The following ADAM12 variants were observed in gnomAD, a reference collection of about 807,000 sequenced individuals.
ADAM12 encodes the protein disintegrin and metalloproteinase domain-containing protein 12.
Under a neutral mutation model 106.4 loss-of-function variants are expected in ADAM12, and 70 were observed. That is an observed-to-expected ratio of 0.66 (90% CI 0.54 to 0.80). ADAM12 has a LOEUF of 0.80. Among genes scored for constraint, ADAM12 ranks in the 30% least tolerant of loss-of-function variants. The pLI is 0.00. For synonymous variants in ADAM12, 420 were observed against 433.5 expected, an observed-to-expected ratio of 0.97 and a Z score of 0.39; for missense variants, 1,010 against 1,171.9, an observed-to-expected ratio of 0.86 and a Z score of 2.02.
At chr10:126,326,350 A>C (rs2133843993) in intron 2 of ADAM12, among the ~76,000 whole-genome samples, 1 of 152,330 alleles carries the variant, frequency 6.6e-6, no homozygotes, top group Non-Finnish European at 1.5e-5. Context: ...ATACATAGTA[A>C]GTCAATGACG....
chr10:126,345,986 A>T (rs1855123826), intron 1 of ADAM12, among the ~76,000 whole-genome samples: 1 of 152,048 alleles, frequency 6.6e-6, no homozygotes, highest in Non-Finnish European at 1.5e-5. Context: ...GGATTCATTG[A>T]TTTTTTGAAG....
intron 3 of ADAM12, among the ~76,000 whole-genome samples, chr10:126,195,977 G>A (rs1035861033): frequency 1.4e-4 from 21 of 152,186 alleles, no homozygotes; most frequent in Middle Eastern, 3.2e-3. Context: ...AGGGGTTAGC[G>A]GATGGCCTCC....
chr10:126,129,876 C>T (rs186852813), intron 5 of ADAM12, among the ~76,000 whole-genome samples: 98 of 152,270 alleles, frequency 6.4e-4, no homozygotes, highest in South Asian at 1.0e-3. Context: ...CTGTTTTTGT[C>T]TCCGTGTGCT....
intron 2 of ADAM12, among the ~76,000 whole-genome samples, chr10:126,289,577 C>T (rs968592088): frequency 2.0e-5 from 3 of 152,226 alleles, no homozygotes; most frequent in Non-Finnish European, 2.9e-5. Flanking sequence ...CATCCTCGGA[C>T]CACCCCAGGT....
Position 126,064,756 on chromosome 10 carries a change from C to CCAGAGCCA in ADAM12, c.1609+49_1609+50insTGGCTCTG. ...GAGCACATGCCCCCAGTCCCACAGC[C>CCAGAGCCA]CAGGTCTGCCAGTGCCTCTCCTGAT... On this transcript the variant is annotated intron_variant, in intron 14 of 22. Transcript: ENST00000448723. The surrounding 1 kb of genome is among the most constrained non-coding windows in gnomAD (Gnocchi z 4.4). 1 of 1,535,706 alleles carries CCAGAGCCA rather than the reference C, an allele frequency of 6.5e-7. No individual in the cohort carries two copies. The highest frequency in any genetic ancestry group is 8.8e-7 in the Non-Finnish European group (1 of 1,140,386).
chr10:126,205,936 G>A (rs1027509682), intron 3 of ADAM12, among the ~76,000 whole-genome samples: 2 of 151,992 alleles, frequency 1.3e-5, no homozygotes, highest in African/African-American at 4.8e-5. Context: ...TTCTAATAAT[G>A]CACACTAGTA....
intron 2 of ADAM12, among the ~76,000 whole-genome samples, chr10:126,326,199 G>C (rs971447831): frequency 8.8e-4 from 127 of 144,768 alleles, no homozygotes; most frequent in African/African-American, 3.1e-3. Context: ...AAATCACCGG[G>C]GAGTATTTTT....
intron 3 of ADAM12, among the ~76,000 whole-genome samples, chr10:126,274,421 G>A: frequency 6.6e-6 from 1 of 152,176 alleles, no homozygotes; most frequent in African/African-American, 2.4e-5. Flanking sequence ...GAGTATGCAG[G>A]TCTCATTCAC....
At chr10:126,055,206 A>T (rs1182412623) in intron 14 of ADAM12, among the ~76,000 whole-genome samples, 1 of 152,128 alleles carries the variant, frequency 6.6e-6, no homozygotes, top group African/African-American at 2.4e-5. Flanking sequence ...ACGGCCCCCA[A>T]ATCCCAGCTG....
rs1452437692 is a variant in ADAM12 at position 126,013,716 on chromosome 10, T to A, written c.*3563A>T. ...TGGGTGATAGGGAAAGGTAAACAGA[T>A]GTATTAGCCACTGGCTTTGTGTGGG... On this transcript the variant is annotated 3_prime_UTR_variant, in exon 23 of 23. Transcript: ENST00000448723. The surrounding 1 kb of genome is among the most constrained non-coding windows in gnomAD (Gnocchi z 4.3). 6.6e-6 allele frequency: 1 copy of A among 152,186 alleles called. No individual in the cohort carries two copies. The highest frequency in any genetic ancestry group is 1.5e-5 in the Non-Finnish European group (1 of 68,094). 9.4% of individuals were successfully genotyped at this position (152,186 alleles called of 1,614,324 possible).
chr10:126,234,108 T>A (rs527928920), intron 3 of ADAM12, among the ~76,000 whole-genome samples: 5 of 152,102 alleles, frequency 3.3e-5, no homozygotes, highest in African/African-American at 1.2e-4. Context: ...CCCAAGCTCA[T>A]GGACAGGCAC....
chr10:126,360,148 T>A lies in ADAM12; in HGVS notation c.88+27910A>T, dbSNP rs117448612. On this transcript the variant is annotated intron_variant, in intron 1 of 22. Coordinates refer to ENST00000448723, the MANE Select transcript of ADAM12 (RefSeq NM_001288973.2). ...GCACACAGCACAGGGACCCTGGGCC[T>A]GACCCACGAAACCATTCTTTTCCCC... is the stretch of plus-strand genomic sequence containing the variant. 5.7e-3 allele frequency among the ~76,000 whole-genome samples: 868 copies of A among 152,298 alleles called. 15 individuals are homozygous for A. The highest frequency in any genetic ancestry group is 7.2e-3 in the Non-Finnish European group (489 of 68,032).
rs377659414 is a variant in ADAM12, at chr10:126,326,593, G to C, written c.186+3819C>G. Among the ~76,000 whole-genome samples the C allele has an allele frequency of 5.3e-5, 8 of 152,266 alleles. No homozygotes were observed. In the East Asian group the frequency reaches 1.5e-3, roughly 29 times the overall value. On this transcript the variant is annotated intron_variant, in intron 2 of 22. Coordinates refer to ENST00000448723, the MANE Select transcript of ADAM12 (RefSeq NM_001288973.2). ...CTCTCCTTCCTGGACAGTTGCACTG[G>C]ATTCCCCATGGCTCTCCTCATTTCC...
At chr10:126,096,676 G>A (rs1336357312) in intron 10 of ADAM12, among the ~76,000 whole-genome samples, 1 of 152,202 alleles carries the variant, frequency 6.6e-6, no homozygotes, top group East Asian at 1.9e-4. Flanking sequence ...GAAGTTTTTG[G>A]TCTGGTCAAG....
At chr10:126,287,555 G>A (rs750654933) in intron 2 of ADAM12, among the ~76,000 whole-genome samples, 3 of 152,074 alleles carry the variant, frequency 2.0e-5, no homozygotes, top group African/African-American at 7.2e-5. Flanking sequence ...GATGTGCTTA[G>A]AACAAAACCA....
At chr10:126,094,212 A>T (rs1590399932) in intron 10 of ADAM12, 79 bp from the exon 11 acceptor site, 1 of 1,381,820 alleles carries the variant, frequency 7.2e-7, no homozygotes, top group East Asian at 2.3e-5. Context: ...CCCCACAGAA[A>T]TATACCTTTC....
In ADAM12 at chr10:126,215,871, A is replaced by G. The variant is rs551364935; in HGVS notation, c.261-60566T>C. On this transcript the variant is annotated intron_variant, in intron 3 of 22. Transcript: ENST00000448723. ...TAGCCAAGGTTCATGGTATTCGCAA[A>G]TGGCATCAATATTTTGACTAGTGAG... Among the ~76,000 whole-genome samples, 8 of 152,314 alleles carry G rather than the reference A, an allele frequency of 5.3e-5. No individual in the cohort carries two copies. The South Asian group carries it at 8.3e-4, about 16-fold the overall frequency.
intron 1 of ADAM12, among the ~76,000 whole-genome samples, chr10:126,335,802 T>G (rs978484919): frequency 2.0e-5 from 3 of 152,164 alleles, no homozygotes; most frequent in Admixed American, 2.0e-4. Context: ...TCAACAGAGA[T>G]AAGTCCTGTG....
At chr10:126,113,690 ATATATATATATATATATAT>A (rs1955922117) in intron 6 of ADAM12, among the ~76,000 whole-genome samples, 13 of 13,892 alleles carry the variant, frequency 9.4e-4, no homozygotes, top group African/African-American at 1.3e-3. Flanking sequence ...AAAAAAAAAT[ATATATATATATATATATAT>A]ATATATATAT....
Sources: allele counts gnomAD v4.1 joint callset (sites outside exome capture counted in the v4.1 genomes callset), GRCh38; gene constraint gnomAD v4.1.1; non-coding constraint Gnocchi (gnomAD v3.1); transcripts MANE v1.5; gene names NCBI Gene and HGNC (gene_info 2026-07-23, HGNC 2026-07-21).